The following NAT10 variants were observed in gnomAD, a reference collection of about 807,000 sequenced individuals.
NAT10 encodes the protein N-acetyltransferase 10, also known as RNA cytidine acetyltransferase.
A neutral mutation model predicts 132.2 loss-of-function variants in NAT10; 109 were observed. That is an observed-to-expected ratio of 0.82 (90% CI 0.71 to 0.97). The LOEUF (loss-of-function observed/expected upper bound fraction) is 0.97. Ranked by LOEUF, NAT10 falls within the 50% of genes least tolerant of loss-of-function variation. NAT10 has a pLI of 0.00. For missense variants in NAT10, 1,184 were observed against 1,263.4 expected (o/e 0.94, Z 0.95); for synonymous variants, 479 against 478.0 (o/e 1.00, Z -0.03).
At chr11:34,142,056 G>T in intron 26 of NAT10, 1 of 623,190 alleles carries the variant, frequency 1.6e-6, no homozygotes, top group Non-Finnish European at 2.8e-6. Context: ...TCCAGCATCT[G>T]TTGGAAATGT....
intron 12 of NAT10, among the ~76,000 whole-genome samples, chr11:34,128,098 G>T (rs1852031885): frequency 6.6e-6 from 1 of 152,114 alleles, no homozygotes; most frequent in African/African-American, 2.4e-5. Context: ...GCTCACACCT[G>T]TAATCCCAGC....
rs1347233552 is a variant in NAT10 at position 34,131,408 on chromosome 11, A to G, written c.1397A>G (p.Gln466Arg). 2.5e-6 allele frequency: 4 copies of G among 1,614,142 alleles called. No homozygotes were observed. The highest frequency in any genetic ancestry group is 1.3e-5 in the African/African-American group (1 of 75,050). Reference protein sequence around the residue: ...SARTLYEVSLQESIRYAPGDA... With the variant: ...SARTLYEVSLRESIRYAPGDA... Reference sequence around the variant, plus strand: ...CGGACACTGTATGAGGTTTCCCTCCAGGAGTCAATCCGATACGCCCCTGGG... The same window carrying G: ...CGGACACTGTATGAGGTTTCCCTCCGGGAGTCAATCCGATACGCCCCTGGG... Residue 466 changes from glutamine to arginine, a missense_variant, in exon 14 of 29, where the codon CAG (glutamine) becomes CGG (arginine). Physicochemically the swap from Gln to Arg is conservative, Grantham distance 43. Coordinates refer to ENST00000257829, the MANE Select transcript of NAT10 (RefSeq NM_024662.3).
At chr11:34,116,244 A>G (rs1851780302) in intron 6 of NAT10, among the ~76,000 whole-genome samples, 1 of 152,168 alleles carries the variant, frequency 6.6e-6, no homozygotes, top group Admixed American at 6.5e-5. Context: ...TATTATGAAT[A>G]TGACGTACTG....
chr11:34,116,285 G>C (rs995206404), intron 6 of NAT10, among the ~76,000 whole-genome samples: 1 of 152,184 alleles, frequency 6.6e-6, no homozygotes, highest in Admixed American at 6.5e-5. Flanking sequence ...AGAAATATGG[G>C]AGGTGGGGTG....
At chr11:34,144,336 G>A (rs1852395618) in intron 28 of NAT10, among the ~76,000 whole-genome samples, 1 of 152,162 alleles carries the variant, frequency 6.6e-6, no homozygotes, top group African/African-American at 2.4e-5. Context: ...TTTGTTCACA[G>A]TAATAACGGA....
In NAT10 at chr11:34,105,651, C is replaced by G. The variant is rs932273045; in HGVS notation, c.-157C>G. On this transcript the variant is annotated 5_prime_UTR_variant, in exon 1 of 29. Transcript: ENST00000257829. ...ACCAGTTCCTGAGAGGGACGCGTGC[C>G]GCGGAGCCAGGCTTACTACGTGACC... 6.6e-5 allele frequency: 10 copies of G among 152,330 alleles called. No individual in the cohort carries two copies. The highest frequency in any genetic ancestry group is 2.6e-4 in the Admixed American group (4 of 15,282). The allele number at this position is 152,330 out of a possible 1,614,324, so 9.4% of individuals were successfully genotyped here. A position where few individuals can be genotyped will look rare whatever the true frequency, so the allele number is the denominator to read the frequency against.
chr11:34,145,994 C>A (rs1322361662), intron 28 of NAT10, 90 bp from the exon 29 acceptor site: 2 of 929,070 alleles, frequency 2.2e-6, no homozygotes, highest in Admixed American at 5.7e-5. Flanking sequence ...CGGTGGAAAC[C>A]CTTTTTGACA....
chr11:34,121,884 G>A (rs899497639), intron 8 of NAT10, among the ~76,000 whole-genome samples: 4 of 133,774 alleles, frequency 3.0e-5, no homozygotes, highest in Admixed American at 7.6e-5. Context: ...AAAAAAAAAG[G>A]TCTGGTGTGG....
At chr11:34,136,508 A>C (rs1320922007) in intron 19 of NAT10, 134 bp from the exon 20 acceptor site, 7 of 1,012,494 alleles carry the variant, frequency 6.9e-6, no homozygotes, top group Non-Finnish European at 1.0e-5. Context: ...ATAGTTTGAA[A>C]ACCACAGCAA....
intron 19 of NAT10, 47 bp downstream of exon 19, chr11:34,135,338 T>A: frequency 1.3e-6 from 2 of 1,539,938 alleles, no homozygotes; most frequent in South Asian, 1.1e-5. Flanking sequence ...CTTGGGAGGA[T>A]AATTCTCTGG....
At chr11:34,110,644 A>G (rs1055352404) in intron 3 of NAT10, among the ~76,000 whole-genome samples, 1 of 100,238 alleles carries the variant, frequency 1.0e-5, no homozygotes, top group African/African-American at 4.1e-5. Context: ...TTGTATTTTC[A>G]TACTTTTAAC....
At chr11:34,136,572 G>A (rs1565117608) in intron 19 of NAT10, 70 bp from the exon 20 acceptor site, 7 of 1,590,338 alleles carry the variant, frequency 4.4e-6, no homozygotes, top group Admixed American at 1.7e-5. Context: ...AGTGCGCTGC[G>A]GCAGGGTGCT....
Position 34,134,524 on chromosome 11 carries a change from G to C in NAT10, c.1849G>C (p.Asp617His). 6.2e-7 allele frequency: 1 copy of C among 1,614,196 alleles called. No individual in the cohort carries two copies. ...GTCTCCCACACAGTTCCAAGATCCAGACTTTGGTGGTCTGTCTGGTGGAAG... is the reference window on the plus strand; with the variant it reads ...GTCTCCCACACAGTTCCAAGATCCACACTTTGGTGGTCTGTCTGGTGGAAG... ...WTVSEQFQDP[D>H]FGGLSGGRVV... is the part of the protein sequence containing the mutation. Residue 617 changes from aspartate (D) to histidine (H), a missense_variant, in exon 18 of 29, where the codon GAC becomes CAC. Physicochemically the swap from Asp to His is moderately conservative, Grantham distance 81 (BLOSUM62 -1). Coordinates refer to ENST00000257829, the MANE Select transcript of NAT10 (RefSeq NM_024662.3).
At chr11:34,123,734 A>G in intron 9 of NAT10, 28 bp from the exon 10 acceptor site, 1 of 1,489,596 alleles carries the variant, frequency 6.7e-7, no homozygotes, top group Non-Finnish European at 9.3e-7. Flanking sequence ...TAATTTCTTA[A>G]AAATCCTTCT....
At position 34,118,192 on chromosome 11, in the gene NAT10, T is replaced by C. The variant is rs777462925; in HGVS notation, c.570T>C (p.Ser190=). 4.3e-6 allele frequency: 7 copies of C among 1,613,864 alleles called. No individual in the cohort carries two copies. The highest frequency in any genetic ancestry group is 2.2e-5 in the East Asian group (1 of 44,904). The change falls in exon 7 of 29, where the codon TCT becomes TCC. Residue 190 remains serine (S), a synonymous_variant. Transcript: ENST00000257829. The stretch of plus-strand genomic sequence containing the variant: ...TTTTGTATCTCAGGTTTATTCTGTC[T>C]CTGGCCTCTTGTAAGAAGTGTCTCG... ...VGRFNERFIL[S]LASCKKCLVI... is the part of the protein sequence containing the mutation.
chr11:34,127,035 C>T (rs921975857), intron 11 of NAT10, among the ~76,000 whole-genome samples: 4 of 152,146 alleles, frequency 2.6e-5, no homozygotes, highest in Non-Finnish European at 5.9e-5. Context: ...CATCGGCTTT[C>T]CTTATCTGAG....
intron 19 of NAT10, among the ~76,000 whole-genome samples, chr11:34,136,388 A>G (rs1852213433): frequency 6.6e-6 from 1 of 152,222 alleles, no homozygotes. Context: ...GGCCTCTGTC[A>G]GTCGTTTCTA....
At chr11:34,142,181 C>G in intron 26 of NAT10, 94 bp from the exon 27 acceptor site, 1 of 1,158,564 alleles carries the variant, frequency 8.6e-7, no homozygotes, top group Admixed American at 1.9e-5. Context: ...AATGTTTTCT[C>G]ATCATTGTGC....
At chr11:34,140,314 G>A in intron 23 of NAT10, 86 bp from the exon 24 acceptor site, 2 of 1,297,216 alleles carry the variant, frequency 1.5e-6, no homozygotes, top group South Asian at 1.4e-5. Flanking sequence ...ATGCTCCTGT[G>A]TGTTAGGGTG....
Sources: allele counts gnomAD v4.1 joint callset (sites outside exome capture counted in the v4.1 genomes callset), GRCh38; gene constraint gnomAD v4.1.1; transcripts MANE v1.5; gene names NCBI Gene and HGNC (gene_info 2026-07-23, HGNC 2026-07-21).